The following AUTS2 variants were observed in gnomAD, a reference collection of about 807,000 sequenced individuals.
AUTS2 encodes activator of transcription and developmental regulator AUTS2, also known as autism susceptibility gene 2 protein.
In AUTS2, 17 loss-of-function variants were observed where a neutral mutation model predicts 112.4. The ratio of observed to expected loss-of-function variants is 0.15; its 90% CI spans 0.10 to 0.23. The LOEUF (loss-of-function observed/expected upper bound fraction) is 0.23. Among genes scored for constraint, AUTS2 ranks in the 10% least tolerant of loss-of-function variants. The pLI is 1.00. For missense variants in AUTS2, 1,510 were observed against 1,701.6 expected (o/e 0.89, Z 1.98); for synonymous variants, 751 against 702.7 (o/e 1.07, Z -1.09).
chr7:69,745,656 A>G (rs1251489867), intron 1 of AUTS2, among the ~76,000 whole-genome samples: 2 of 152,188 alleles, frequency 1.3e-5, no homozygotes, highest in African/African-American at 4.8e-5. Flanking sequence ...GTTTTATGCA[A>G]ATTCCAATAT....
At chr7:70,355,141 GAT>G (rs1272983693) in intron 4 of AUTS2, among the ~76,000 whole-genome samples, 1 of 151,522 alleles carries the variant, frequency 6.6e-6, no homozygotes, top group Non-Finnish European at 1.5e-5. Context: ...TACGGAGAGA[GAT>G]TTCTGGAGTT....
chr7:70,052,421 T>G (rs1414146193), intron 2 of AUTS2, among the ~76,000 whole-genome samples: 4 of 152,224 alleles, frequency 2.6e-5, no homozygotes, highest in Non-Finnish European at 5.9e-5. Flanking sequence ...CAGATGGTAT[T>G]GTATCCATTT....
rs1798977850 is a variant in AUTS2, at chr7:69,997,003, A to G, written c.522+97505A>G. On this transcript the variant is annotated intron_variant, in intron 2 of 18. Coordinates refer to ENST00000342771, the MANE Select transcript of AUTS2 (RefSeq NM_015570.4). ...TCAATCCCAGATGATTTACATCAGC[A>G]TATTTTCAGGGTTGGCCCTGGGCAT... Among the ~76,000 whole-genome samples, 2 of 149,100 alleles carry G rather than the reference A, an allele frequency of 1.3e-5. 1 individual carries two copies. Among genetic ancestry groups the G allele is most frequent in the South Asian group, 4.3e-4 (2 of 4,658 alleles).
At chr7:70,220,842 G>A (rs1421663412) in intron 4 of AUTS2, among the ~76,000 whole-genome samples, 1 of 152,072 alleles carries the variant, frequency 6.6e-6, no homozygotes, top group East Asian at 1.9e-4. Flanking sequence ...ACATATAGCA[G>A]TTTTAAAGAA....
intron 2 of AUTS2, among the ~76,000 whole-genome samples, chr7:69,917,751 A>G (rs932511298): frequency 7.2e-5 from 11 of 152,156 alleles, no homozygotes; most frequent in Admixed American, 6.5e-5. Context: ...ATAAGTGAGA[A>G]CATAGGGTAT....
chr7:69,662,670 G>A (rs1386411221), intron 1 of AUTS2, among the ~76,000 whole-genome samples: 2 of 152,146 alleles, frequency 1.3e-5, no homozygotes, highest in Admixed American at 1.3e-4. Context: ...CAGTGGTGAG[G>A]GCACATTTAG....
At chr7:70,005,072 GC>G (rs1174438254) in intron 2 of AUTS2, among the ~76,000 whole-genome samples, 1 of 151,914 alleles carries the variant, frequency 6.6e-6, no homozygotes, top group African/African-American at 2.4e-5. Flanking sequence ...TGATTCACTC[GC>G]CTCAGCTTCC....
Position 70,791,314 on chromosome 7 carries a change from TG to T in AUTS2, c.*325del, listed in dbSNP as rs147864778. ...TGGATGATAATTGTAGCGGGGGCGG[TG>T]GGGGGGAGAAGTCCACGCCATCCAT... On this transcript the variant is annotated 3_prime_UTR_variant, in exon 19 of 19. Coordinates refer to ENST00000342771, the MANE Select transcript of AUTS2 (RefSeq NM_015570.4). The T allele has an allele frequency of 6.3e-5, 5 of 78,808 alleles. No individual in the cohort carries two copies. Among genetic ancestry groups the T allele is most frequent in the Non-Finnish European group, 1.2e-4 (5 of 41,902 alleles). The allele number at this position is 78,808 out of a possible 1,614,324, so 4.9% of individuals were successfully genotyped here.
intron 2 of AUTS2, among the ~76,000 whole-genome samples, chr7:70,005,273 C>CT (rs1799495950): frequency 6.6e-6 from 1 of 151,924 alleles, no homozygotes; most frequent in African/African-American, 2.4e-5. Flanking sequence ...TAGGGCCTTG[C>CT]TTATAATGCT....
chr7:70,421,275 T>TC (rs908993252), intron 4 of AUTS2, among the ~76,000 whole-genome samples: 3 of 148,210 alleles, frequency 2.0e-5, no homozygotes, highest in Non-Finnish European at 3.0e-5. Flanking sequence ...TTTTCTCTCA[T>TC]CCCCCCCAAC....
chr7:69,851,617 A>G (rs1287247708), intron 1 of AUTS2, among the ~76,000 whole-genome samples: 1 of 152,206 alleles, frequency 6.6e-6, no homozygotes, highest in African/African-American at 2.4e-5. Context: ...TTTCCCATCC[A>G]TGAACACTAT....
Position 70,781,633 on chromosome 7 carries a change from C to A in AUTS2, c.2023C>A (p.Pro675Thr). The change falls in exon 15 of 19, where the codon CCA (proline) becomes ACA (threonine). Residue 675 changes from proline to threonine, a missense_variant. By Grantham distance (38) the Pro-to-Thr change is conservative. Transcript: ENST00000342771. ...TGTGTAGAAACAGATGCAGTCAGACCCACATAAGCTGGACTTTGGACTGAA... is the reference window on the plus strand; with the variant it reads ...TGTGTAGAAACAGATGCAGTCAGACACACATAAGCTGGACTTTGGACTGAA... ...QKVKKQMQSD[P>T]HKLDFGLKPE... is the part of the protein sequence containing the mutation. 6.2e-7 allele frequency: 1 copy of A among 1,614,104 alleles called. No individual in the cohort carries two copies. The highest frequency in any genetic ancestry group is 8.5e-7 in the Non-Finnish European group (1 of 1,180,010).
At chr7:69,905,009 G>C (rs1427247519) in intron 2 of AUTS2, among the ~76,000 whole-genome samples, 1 of 152,134 alleles carries the variant, frequency 6.6e-6, no homozygotes, top group Non-Finnish European at 1.5e-5. Flanking sequence ...TTTGTAACTG[G>C]GATTGGTAAA....
At chr7:69,939,742 C>T (rs964248417) in intron 2 of AUTS2, among the ~76,000 whole-genome samples, 2 of 152,162 alleles carry the variant, frequency 1.3e-5, no homozygotes, top group Non-Finnish European at 2.9e-5. Flanking sequence ...TCTCTGGGTG[C>T]ATCCTCCTTA....
At chr7:70,103,379 C>G (rs1439302293) in intron 2 of AUTS2, among the ~76,000 whole-genome samples, 1 of 151,986 alleles carries the variant, frequency 6.6e-6, no homozygotes, top group African/African-American at 2.4e-5. Context: ...CTGAGAGGAA[C>G]CTGTAGCTCA....
intron 2 of AUTS2, among the ~76,000 whole-genome samples, chr7:69,905,594 C>CT (rs1213148594): frequency 6.6e-6 from 1 of 152,288 alleles, no homozygotes; most frequent in East Asian, 1.9e-4. Flanking sequence ...CGCCTTTCCT[C>CT]TGTTTTTGTT....
At chr7:70,761,696 G>A (rs747978230) in intron 6 of AUTS2, among the ~76,000 whole-genome samples, 5 of 152,154 alleles carry the variant, frequency 3.3e-5, no homozygotes, top group Non-Finnish European at 7.4e-5. Context: ...TACTAAATGT[G>A]GCCCTTTTGA....
intron 4 of AUTS2, among the ~76,000 whole-genome samples, chr7:70,325,353 A>G (rs1223961794): frequency 6.6e-6 from 1 of 152,176 alleles, no homozygotes; most frequent in Non-Finnish European, 1.5e-5. Context: ...AAACTGAAAA[A>G]AAGAAATTAC....
chr7:70,789,978 G>C lies in AUTS2; in HGVS notation c.2762G>C (p.Gly921Ala). The C allele has an allele frequency of 6.2e-7, 1 of 1,611,964 alleles. No homozygotes were observed. The highest frequency in any genetic ancestry group is 8.5e-7 in the Non-Finnish European group (1 of 1,179,196). ...GAGGGCCACCTGCCCGAGAAGGACGGGCACGGCCACGAGGGGCGCGCCGCG... is the reference window on the plus strand; with the variant it reads ...GAGGGCCACCTGCCCGAGAAGGACGCGCACGGCCACGAGGGGCGCGCCGCG... Reference protein sequence around the residue: ...AKEGHLPEKDGHGHEGRAAGE... With the variant: ...AKEGHLPEKDAHGHEGRAAGE... Residue 921 changes from glycine to alanine, a missense_variant, in exon 19 of 19, where the codon GGG becomes GCG. This residue lies in a region of AUTS2 where 788 missense variants were observed against 797.6 expected (regional missense o/e 0.99). Transcript: ENST00000342771.
Sources: gnomAD v4.1 joint callset for allele counts (sites outside exome capture counted in the v4.1 genomes callset) on GRCh38, gnomAD v4.1.1 for gene constraint, gnomAD v4.1.1 regional missense constraint, MANE v1.5 for transcripts, NCBI Gene and HGNC (gene_info 2026-07-23, HGNC 2026-07-21) for gene names.